PTPRT: variants seen among roughly 807,000 people sequenced by gnomAD.
PTPRT encodes receptor-type tyrosine-protein phosphatase T.
Under a neutral mutation model 176.8 loss-of-function variants are expected in PTPRT, and 56 were observed. The ratio of observed to expected loss-of-function variants is 0.32; its 90% CI spans 0.26 to 0.40. The LOEUF is 0.40. Among genes scored for constraint, PTPRT ranks in the 10% least tolerant of loss-of-function variants. The probability of loss-of-function intolerance (pLI) is 1.00; values close to 1 mark genes in which losing one functional copy is unlikely to be tolerated. For synonymous variants in PTPRT, 783 were observed against 739.0 expected (o/e 1.06, Z -0.96); for missense variants, 1,540 against 1,908.2 (o/e 0.81, Z 3.60).
chr20:42,436,876 G>A (rs6030238), intron 9 of PTPRT, among the ~76,000 whole-genome samples: 120,680 of 152,212 alleles, frequency 0.79, 48,056 homozygotes, highest in Admixed American at 0.83. Flanking sequence ...GCACTCATCC[G>A]TGGGGATGAA....
chr20:42,291,076 C>G (rs1319878351), intron 12 of PTPRT, among the ~76,000 whole-genome samples: 1 of 152,126 alleles, frequency 6.6e-6, no homozygotes, highest in African/African-American at 2.4e-5. Flanking sequence ...GACTGAGCTT[C>G]CCAGTTGATA....
chr20:42,615,912 C>A lies in PTPRT; in HGVS notation c.1153+61954G>T, dbSNP rs1248663114. Reference sequence around the variant, plus strand: ...TGCCTGTTCACTCTGATGGTAGTTTCTTTTGCTGTGCAGAAGCTCTTTAGT... The same window carrying A: ...TGCCTGTTCACTCTGATGGTAGTTTATTTTGCTGTGCAGAAGCTCTTTAGT... On this transcript the variant is annotated intron_variant, in intron 7 of 30. Transcript: ENST00000373187. 3.4e-5 allele frequency among the ~76,000 whole-genome samples: 4 copies of A among 117,784 alleles called. 2 individuals are homozygous for A. Among genetic ancestry groups the A allele is most frequent in the African/African-American group, 1.9e-4 (4 of 21,354 alleles). The allele number at this position is 117,784 out of a possible 152,430, so 77.3% of individuals were successfully genotyped here.
chr20:43,089,223 C>A (rs1331801074), intron 1 of PTPRT, among the ~76,000 whole-genome samples: 1 of 152,150 alleles, frequency 6.6e-6, no homozygotes. Flanking sequence ...TCAAAACCAC[C>A]AGCTAGTACA....
At chr20:42,496,127 A>C (rs2145397369) in intron 7 of PTPRT, among the ~76,000 whole-genome samples, 1 of 152,226 alleles carries the variant, frequency 6.6e-6, no homozygotes, top group South Asian at 2.1e-4. Context: ...GATCATCATA[A>C]AGCTCTTCAT....
At chr20:42,260,195 T>C (rs2056724465) in intron 13 of PTPRT, among the ~76,000 whole-genome samples, 1 of 152,174 alleles carries the variant, frequency 6.6e-6, no homozygotes, top group Non-Finnish European at 1.5e-5. Flanking sequence ...TTCCACGTCA[T>C]CCATGGTGTG....
At chr20:42,104,972 TGCTGTCA>T (rs1226058165) in intron 24 of PTPRT, among the ~76,000 whole-genome samples, 11 of 152,206 alleles carry the variant, frequency 7.2e-5, no homozygotes, top group Admixed American at 2.6e-4. Flanking sequence ...CTTCTAGACA[TGCTGTCA>T]GCAGGCGCTC....
chr20:42,099,402 G>C (rs1600504278), intron 26 of PTPRT, among the ~76,000 whole-genome samples: 1 of 152,138 alleles, frequency 6.6e-6, no homozygotes, highest in South Asian at 2.1e-4. Context: ...TGGCAGGGCA[G>C]AAACACCCCT....
chr20:42,299,354 GA>G (rs1484614962), intron 12 of PTPRT, among the ~76,000 whole-genome samples: 2 of 151,786 alleles, frequency 1.3e-5, no homozygotes, highest in African/African-American at 2.4e-5. Flanking sequence ...TCTAGTGAAA[GA>G]AAAAAAATAA....
intron 7 of PTPRT, among the ~76,000 whole-genome samples, chr20:42,562,909 A>G (rs2072976212): frequency 6.6e-6 from 1 of 152,212 alleles, no homozygotes; most frequent in African/African-American, 2.4e-5. Context: ...TTATACAGAA[A>G]TATATTCTAG....
chr20:42,092,519 G>C (rs1208166603), intron 27 of PTPRT, among the ~76,000 whole-genome samples: 1 of 152,206 alleles, frequency 6.6e-6, no homozygotes, highest in African/African-American at 2.4e-5. Flanking sequence ...CAGTGAGTAA[G>C]TACCAAGGCT....
chr20:42,151,863 A>G (rs1180202023), intron 17 of PTPRT, among the ~76,000 whole-genome samples: 1 of 152,212 alleles, frequency 6.6e-6, no homozygotes, highest in African/African-American at 2.4e-5. Flanking sequence ...TAAAACTGGG[A>G]CCGTTTTGGG....
intron 1 of PTPRT, among the ~76,000 whole-genome samples, chr20:43,013,332 C>A (rs1007251291): frequency 2.0e-5 from 3 of 152,122 alleles, no homozygotes; most frequent in African/African-American, 7.2e-5. Flanking sequence ...AAAATGATTT[C>A]TGCTGCCATC....
chr20:42,043,756 A>G, the PTPRT span, among the ~76,000 whole-genome samples: 13 of 152,226 alleles, frequency 8.5e-5, no homozygotes, highest in Non-Finnish European at 1.5e-4. Context: ...TATACAAGAC[A>G]CTTTTATCAT....
intron 1 of PTPRT, among the ~76,000 whole-genome samples, chr20:43,145,428 C>A (rs1485205327): frequency 6.6e-6 from 1 of 152,196 alleles, no homozygotes; most frequent in Non-Finnish European, 1.5e-5. Flanking sequence ...ATGGCATAGG[C>A]TTCTTAAGTT....
intron 6 of PTPRT, among the ~76,000 whole-genome samples, chr20:42,727,542 T>A (rs907969859): frequency 6.6e-6 from 1 of 152,170 alleles, no homozygotes; most frequent in Non-Finnish European, 1.5e-5. Flanking sequence ...CTTATGTGTA[T>A]GTGTGTGTGT....
intron 2 of PTPRT, among the ~76,000 whole-genome samples, chr20:42,807,324 A>G (rs2077625573): frequency 6.6e-6 from 1 of 152,140 alleles, no homozygotes; most frequent in Non-Finnish European, 1.5e-5. Flanking sequence ...TTCTGTCAAA[A>G]GTTCACCTGT....
At chr20:42,937,353 G>T (rs1021083623) in intron 1 of PTPRT, among the ~76,000 whole-genome samples, 1 of 152,104 alleles carries the variant, frequency 6.6e-6, no homozygotes, top group African/African-American at 2.4e-5. Context: ...TTTCCCACGT[G>T]TGCCTGTGTT....
At chr20:42,521,624 G>T (rs2072178364) in intron 7 of PTPRT, among the ~76,000 whole-genome samples, 1 of 152,012 alleles carries the variant, frequency 6.6e-6, no homozygotes, top group Non-Finnish European at 1.5e-5. Context: ...AATCATGTTG[G>T]TTGACTGAAA....
intron 7 of PTPRT, among the ~76,000 whole-genome samples, chr20:42,554,473 G>T (rs1240406837): frequency 6.6e-6 from 1 of 152,168 alleles, no homozygotes; most frequent in African/African-American, 2.4e-5. Context: ...TGAGGGCAGG[G>T]AGGCTGTCCT....
Sources: allele counts gnomAD v4.1 joint callset (sites outside exome capture counted in the v4.1 genomes callset), GRCh38; gene constraint gnomAD v4.1.1; transcripts MANE v1.5; gene names NCBI Gene and HGNC (gene_info 2026-07-23, HGNC 2026-07-21).